BCL2L1: variants seen among roughly 807,000 people sequenced by gnomAD.
BCL2L1 encodes the protein bcl-2-like protein 1.
A neutral mutation model predicts 18.7 loss-of-function variants in BCL2L1; 1 was observed. The ratio of observed to expected loss-of-function variants is 0.05; its 90% CI spans 0.02 to 0.25. BCL2L1 has a LOEUF of 0.25. Among genes scored for constraint, BCL2L1 ranks in the 10% least tolerant of loss-of-function variants. The probability of loss-of-function intolerance (pLI) is 1.00; values close to 1 mark genes in which losing one functional copy is unlikely to be tolerated. For missense variants in BCL2L1, 207 were observed against 304.9 expected, an observed-to-expected ratio of 0.68 and a Z score of 2.39; for synonymous variants, 103 against 122.7, an observed-to-expected ratio of 0.84 and a Z score of 1.06.
At chr20:31,668,641 G>A (rs1043004036) in intron 2 of BCL2L1, among the ~76,000 whole-genome samples, 2 of 124,398 alleles carry the variant, frequency 1.6e-5, no homozygotes, top group Non-Finnish European at 3.3e-5. Context: ...TTTTACCCTT[G>A]TTGCCCAGGC....
chr20:31,719,109 T>C (rs2061583469), intron 2 of BCL2L1, among the ~76,000 whole-genome samples: 1 of 152,192 alleles, frequency 6.6e-6, no homozygotes, highest in South Asian at 2.1e-4. Context: ...CTGTAGAATA[T>C]ATGAAACAGC....
chr20:31,698,546 C>CT (rs879374858), intron 2 of BCL2L1, among the ~76,000 whole-genome samples: 212 of 145,400 alleles, frequency 1.5e-3, no homozygotes, highest in Middle Eastern at 7.1e-3. Context: ...GATTTTCCTT[C>CT]TTTTTTTTTT....
chr20:31,684,974 G>C (rs73903636), intron 2 of BCL2L1, among the ~76,000 whole-genome samples: 4,867 of 152,282 alleles, frequency 0.032, 212 homozygotes, highest in African/African-American at 0.097. Flanking sequence ...GCTGGGATAG[G>C]CGAGAAGGCT....
chr20:31,719,229 C>T (rs1351111162), intron 2 of BCL2L1, among the ~76,000 whole-genome samples: 1 of 152,202 alleles, frequency 6.6e-6, no homozygotes, highest in East Asian at 1.9e-4. Flanking sequence ...AGTAGAGGAC[C>T]TAACACAGTG....
Position 31,722,751 on chromosome 20 carries a change from GC to G in BCL2L1, c.-265del, listed in dbSNP as rs2061658061. 6.6e-6 allele frequency: 1 copy of G among 152,250 alleles called. No individual in the cohort carries two copies. The highest frequency in any genetic ancestry group is 1.5e-5 in the Non-Finnish European group (1 of 68,060). The allele number at this position is 152,250 out of a possible 1,614,324, so 9.4% of individuals were successfully genotyped here. ...CTCGCGGTGGCTGGCAAAAAAACCA[GC>G]TCCGGCCGGAGGGATCATGCGACCC... On this transcript the variant is annotated 5_prime_UTR_variant, in exon 1 of 3. The change abolishes the stop of an existing upstream ORF in the 5' untranslated region. Coordinates refer to ENST00000307677, the MANE Select transcript of BCL2L1 (RefSeq NM_138578.3).
At chr20:31,683,768 TCAAAAAA>T (rs2060904569) in intron 2 of BCL2L1, among the ~76,000 whole-genome samples, 1 of 32,996 alleles carries the variant, frequency 3.0e-5, no homozygotes. Flanking sequence ...AAACTCCATC[TCAAAAAA>T]AAAAAAAAAA....
chr20:31,709,367 GGT>G (rs959090691), intron 2 of BCL2L1, among the ~76,000 whole-genome samples: 7 of 150,832 alleles, frequency 4.6e-5, no homozygotes, highest in Non-Finnish European at 1.0e-4. Context: ...TGATCTTTTT[GGT>G]GTGTGTGTGT....
intron 2 of BCL2L1, among the ~76,000 whole-genome samples, chr20:31,706,864 C>T (rs1394556720): frequency 2.0e-5 from 3 of 152,104 alleles, no homozygotes; most frequent in African/African-American, 7.2e-5. Context: ...GGAGGCAAGG[C>T]GGGTGTTATC....
intron 2 of BCL2L1, among the ~76,000 whole-genome samples, chr20:31,674,193 C>G (rs552270404): frequency 3.9e-5 from 6 of 152,208 alleles, no homozygotes; most frequent in Non-Finnish European, 8.8e-5. Context: ...GAAAACCTGA[C>G]TTCCTTAGTG....
At chr20:31,697,420 GTAATCT>G (rs764464098) in intron 2 of BCL2L1, among the ~76,000 whole-genome samples, 53 of 151,880 alleles carry the variant, frequency 3.5e-4, no homozygotes, top group Non-Finnish European at 6.2e-4. Flanking sequence ...AGTTTGCTGT[GTAATCT>G]TTAACAGGTG....
intron 2 of BCL2L1, among the ~76,000 whole-genome samples, chr20:31,681,181 G>C (rs1256096702): frequency 2.0e-5 from 3 of 152,222 alleles, no homozygotes; most frequent in African/African-American, 7.2e-5. Flanking sequence ...GCACTGTAGG[G>C]TTTTGAGCAG....
chr20:31,697,042 C>CTCTA, intron 2 of BCL2L1, among the ~76,000 whole-genome samples: 1 of 136,786 alleles, frequency 7.3e-6, no homozygotes, highest in South Asian at 2.3e-4. Context: ...CAGAGCAAGA[C>CTCTA]TCTATCTCAA....
At chr20:31,680,746 A>C (rs936181554) in intron 2 of BCL2L1, among the ~76,000 whole-genome samples, 9 of 152,222 alleles carry the variant, frequency 5.9e-5, no homozygotes, top group Non-Finnish European at 1.0e-4. Flanking sequence ...GCAGTGACTA[A>C]ATAGAATGAA....
rs758032919 is a variant in BCL2L1 at position 31,722,061 on chromosome 20, C to T, written c.158G>A (p.Gly53Asp). Residue 53 changes from glycine to aspartate, a missense_variant, in exon 2 of 3, where the codon GGC (glycine) becomes GAC (aspartate). By Grantham distance (94) the Gly-to-Asp change is moderately conservative. Transcript: ENST00000307677. ...GTCTGCCAGGTGCCAGGATGGGTTG[C>T]CATTGATGGCACTGGGGGTCTCCAT... The part of the protein sequence containing the change: ...SEMETPSAIN[G>D]NPSWHLADSP... The T allele has an allele frequency of 3.1e-6, 5 of 1,602,594 alleles. No individual in the cohort carries two copies. The highest frequency in any genetic ancestry group is 4.3e-6 in the Non-Finnish European group (5 of 1,173,776).
chr20:31,709,087 T>A (rs2061412834), intron 2 of BCL2L1, among the ~76,000 whole-genome samples: 2 of 152,176 alleles, frequency 1.3e-5, no homozygotes, highest in Admixed American at 1.3e-4. Flanking sequence ...CCTAACTGCA[T>A]CCCACAGGTG....
intron 2 of BCL2L1, among the ~76,000 whole-genome samples, chr20:31,696,777 C>T (rs1454401112): frequency 6.6e-6 from 1 of 151,938 alleles, no homozygotes; most frequent in Non-Finnish European, 1.5e-5. Flanking sequence ...GCTAGTCGGC[C>T]GGGTGTGGTG....
intron 2 of BCL2L1, among the ~76,000 whole-genome samples, chr20:31,691,101 C>T (rs572139739): frequency 7.5e-5 from 9 of 120,752 alleles, no homozygotes; most frequent in South Asian, 2.7e-4. Context: ...TGCAGTGAGC[C>T]GAGATCATGC....
At chr20:31,671,496 T>C (rs954555770) in intron 2 of BCL2L1, among the ~76,000 whole-genome samples, 1 of 152,104 alleles carries the variant, frequency 6.6e-6, no homozygotes, top group Non-Finnish European at 1.5e-5. Context: ...ACTAAGCCTA[T>C]AGGACTCCAT....
Position 31,721,915 on chromosome 20 carries a change from G to C in BCL2L1, c.304C>G (p.Arg102Gly), listed in dbSNP as rs1269977868. The stretch of plus-strand genomic sequence containing the variant: ...GATGTCAGGTCACTGAATGCCCGCC[G>C]GTACCGCAGTTCAAACTCGTCGCCT... ...EAGDEFELRY[R>G]RAFSDLTSQL... Residue 102 changes from arginine (R) to glycine (G), a missense_variant, in exon 2 of 3, where the codon CGG (arginine) becomes GGG (glycine). Physicochemically the swap from Arg to Gly is moderately radical, Grantham distance 125. Coordinates refer to ENST00000307677, the MANE Select transcript of BCL2L1 (RefSeq NM_138578.3). The C allele has an allele frequency of 6.2e-7, 1 of 1,614,196 alleles. No homozygotes were observed. The highest frequency in any genetic ancestry group is 8.5e-7 in the Non-Finnish European group (1 of 1,180,032).
Sources: gnomAD v4.1 joint callset for allele counts (sites outside exome capture counted in the v4.1 genomes callset) on GRCh38, gnomAD v4.1.1 for gene constraint, MANE v1.5 for transcripts, NCBI Gene and HGNC (gene_info 2026-07-23, HGNC 2026-07-21) for gene names.